The following PCK2 variants were observed in gnomAD, a reference collection of about 807,000 sequenced individuals.
PCK2 encodes phosphoenolpyruvate carboxykinase [GTP], mitochondrial.
Under a neutral mutation model 65.9 loss-of-function variants are expected in PCK2, and 56 were observed. The ratio of observed to expected loss-of-function variants is 0.85; its 90% CI spans 0.69 to 1.06. The LOEUF is 1.06. Among genes scored for constraint, PCK2 ranks in the 50% least tolerant of loss-of-function variants. The pLI, the probability that PCK2 is intolerant of heterozygous loss-of-function variation, is 0.00. For synonymous variants in PCK2, 305 were observed against 319.6 expected (o/e 0.95, Z 0.49); for missense variants, 843 against 863.1 (o/e 0.98, Z 0.29).
intron 7 of PCK2, 45 bp from the exon 8 acceptor site, chr14:24,102,708 T>A: frequency 6.4e-7 from 1 of 1,558,196 alleles, no homozygotes; most frequent in Non-Finnish European, 8.8e-7. Context: ...GTGTTGGGGG[T>A]CGACATGACC....
Position 24,103,953 on chromosome 14 carries a change from C to T in PCK2, c.1912C>T (p.His638Tyr), listed in dbSNP as rs2037279451. The change falls in exon 10 of 10, where the codon CAC becomes TAC. Residue 638 changes from histidine (H) to tyrosine (Y), a missense_variant. Coordinates refer to ENST00000216780, the MANE Select transcript of PCK2 (RefSeq NM_004563.4). ...AELEALERRV[H>Y]KM The stretch of plus-strand genomic sequence containing the variant: ...GCTTGAGGCCCTGGAGAGACGTGTG[C>T]ACAAAATGTGACCTGAGGCCCTAGT... 1 of 1,613,038 alleles carries T rather than the reference C, an allele frequency of 6.2e-7. No individual in the cohort carries two copies.
upstream of PCK2, chr14:24,094,209 C>G: frequency 3.5e-6 from 2 of 577,992 alleles, no homozygotes; most frequent in East Asian, 3.4e-5. The surrounding 1 kb of genome is among the most constrained non-coding windows in gnomAD (Gnocchi z 4.1). Context: ...GCCGAGGGAG[C>G]TGGCCTGCCA....
At position 24,099,710 on chromosome 14, in the gene PCK2, T is replaced by C; in HGVS notation, c.1005T>C (p.Phe335=). The change falls in exon 6 of 10, where the codon TTT becomes TTC. Residue 335 remains phenylalanine, a synonymous_variant. Transcript: ENST00000216780. ...GGGATGATATTGCTTGGATGAGGTT[T>C]GACAGTGAAGGTGAGGGACTCTCAG... ...CVGDDIAWMR[F]DSEGRLRAIN... 3 of 1,613,696 alleles carry C rather than the reference T, an allele frequency of 1.9e-6. No homozygotes were observed. Among genetic ancestry groups the C allele is most frequent in the East Asian group, 2.2e-5 (1 of 44,878 alleles).
chr14:24,098,673 G>A lies in PCK2; in HGVS notation c.659G>A (p.Gly220Glu), dbSNP rs763339162. 20 of 1,613,274 alleles carry A rather than the reference G, an allele frequency of 1.2e-5. No individual in the cohort carries two copies. The highest frequency in any genetic ancestry group is 1.7e-5 in the Non-Finnish European group (20 of 1,179,822). The change falls in exon 4 of 10, where the codon GGA (glycine) becomes GAA (glutamate). Residue 220 changes from glycine to glutamate, a missense_variant. Physicochemically the swap from Gly to Glu is moderately conservative, Grantham distance 98. Coordinates refer to ENST00000216780, the MANE Select transcript of PCK2 (RefSeq NM_004563.4). ...CLHSVGQPLTGQGEPVSQWPC... is the reference protein window; with the variant it reads ...CLHSVGQPLTEQGEPVSQWPC... The stretch of plus-strand genomic sequence containing the variant: ...CACTCCGTGGGCCAGCCCCTGACAG[G>A]ACAAGGTAAGCACCTGCTCTGCCCC...
chr14:24,094,686 C>T lies in PCK2; in HGVS notation c.29+252C>T, dbSNP rs2036779097. On this transcript the variant is annotated intron_variant, in intron 1 of 9. Transcript: ENST00000216780. This position sits in a 1 kb window ranked among gnomAD's most constrained non-coding sequence, Gnocchi z 4.1. ...TCGCCTCTGACCGCGCGATCTCTAT[C>T]TGCCACTCTCAGAACTTCCTCTCTC... 2.6e-6 allele frequency: 4 copies of T among 1,521,422 alleles called. No homozygotes were observed. The highest frequency in any genetic ancestry group is 2.0e-5 in the Admixed American group (1 of 50,342). 94.2% of individuals were successfully genotyped at this position (1,521,422 alleles called of 1,614,324 possible). A position where few individuals can be genotyped will look rare whatever the true frequency, so the allele number is the denominator to read the frequency against.
At position 24,094,992 on chromosome 14, in the gene PCK2, G is replaced by C; in HGVS notation, c.29+558G>C. The C allele has an allele frequency of 1.8e-6, 1 of 567,888 alleles. No homozygotes were observed. Among genetic ancestry groups the C allele is most frequent in the Non-Finnish European group, 2.9e-6 (1 of 342,170 alleles). The allele number at this position is 567,888 out of a possible 1,614,324, so 35.2% of individuals were successfully genotyped here. A position where few individuals can be genotyped will look rare whatever the true frequency, so the allele number is the denominator to read the frequency against. ...GAGGGACCTGGGCCCAGGGGAGGGA[G>C]GCAAGCAAGGTGGGAGGAGGGCGCC... On this transcript the variant is annotated intron_variant, in intron 1 of 9. Transcript: ENST00000216780. This position sits in a 1 kb window ranked among gnomAD's most constrained non-coding sequence, Gnocchi z 4.1.
Position 24,102,870 on chromosome 14 carries a change from T to C in PCK2, c.1352T>C (p.Phe451Ser). The C allele has an allele frequency of 6.2e-7, 1 of 1,613,926 alleles. No homozygotes were observed. Among genetic ancestry groups the C allele is most frequent in the Non-Finnish European group, 8.5e-7 (1 of 1,179,956 alleles). ...PEGVPIDAII[F>S]GGRRPKGVPL... The stretch of plus-strand genomic sequence containing the variant: ...GGTGTCCCCATTGACGCCATCATCT[T>C]TGGTGGCCGCAGACCCAAAGGTAAA... The change falls in exon 8 of 10, where the codon TTT becomes TCT. Residue 451 changes from phenylalanine to serine, a missense_variant. By Grantham distance (155) the Phe-to-Ser change is radical. Coordinates refer to ENST00000216780, the MANE Select transcript of PCK2 (RefSeq NM_004563.4).
In PCK2 at chr14:24,103,255, G is replaced by A. The variant is rs1236181702; in HGVS notation, c.1468G>A (p.Gly490Arg). The A allele has an allele frequency of 6.2e-7, 1 of 1,610,960 alleles. No homozygotes were observed. The highest frequency in any genetic ancestry group is 1.1e-5 in the South Asian group (1 of 90,972). Residue 490 changes from glycine to arginine, a missense_variant and splice_region_variant, in exon 9 of 10, where the codon GGG (glycine) becomes AGG (arginine). Physicochemically the swap from Gly to Arg is moderately radical, Grantham distance 125 (BLOSUM62 -2). Transcript: ENST00000216780. Reference sequence around the variant, plus strand: ...GTCCACTGCTGCAGCAGAACACAAAGGTGAGCACCCTCACCATTCCTCCCT... The same window carrying A: ...GTCCACTGCTGCAGCAGAACACAAAAGTGAGCACCCTCACCATTCCTCCCT... Reference protein sequence around the residue: ...SESTAAAEHKGKIIMHDPFAM... With the variant: ...SESTAAAEHKRKIIMHDPFAM...
In PCK2 at chr14:24,098,531, C is replaced by G; in HGVS notation, c.517C>G (p.Arg173Gly). The stretch of plus-strand genomic sequence containing the variant: ...GGGTCCTGTGGGCTCCCCGCTGTCC[C>G]GCATCGGGGTGCAGCTCACTGACTC... ...SMGPVGSPLSRIGVQLTDSAY... is the reference protein window; with the variant it reads ...SMGPVGSPLSGIGVQLTDSAY... Residue 173 changes from arginine (R) to glycine (G), a missense_variant, in exon 4 of 10, where the codon CGC (arginine) becomes GGC (glycine). Transcript: ENST00000216780. 3.1e-6 allele frequency: 5 copies of G among 1,614,168 alleles called. No individual in the cohort carries two copies. Among genetic ancestry groups the G allele is most frequent in the Non-Finnish European group, 4.2e-6 (5 of 1,180,010 alleles).
At chr14:24,095,787 AG>A (rs1208036159) in intron 1 of PCK2, among the ~76,000 whole-genome samples, 2 of 152,206 alleles carry the variant, frequency 1.3e-5, no homozygotes, top group Non-Finnish European at 2.9e-5. Flanking sequence ...GGGCCATGAG[AG>A]GACAGACAAC....
chr14:24,097,389 G>GAAA (rs529973280), intron 2 of PCK2, among the ~76,000 whole-genome samples: 1 of 118,700 alleles, frequency 8.4e-6, no homozygotes, highest in Non-Finnish European at 1.8e-5. Context: ...CGTCTCTACT[G>GAAA]AAAAAAAAAA....
rs145351624 is a variant in PCK2 at position 24,103,222 on chromosome 14, C to T, written c.1435C>T (p.Arg479Cys). The change falls in exon 9 of 10, where the codon CGC (arginine) becomes TGC (cysteine). Residue 479 changes from arginine (R) to cysteine (C), a missense_variant. By Grantham distance (180) the Arg-to-Cys change is radical (BLOSUM62 -3). Coordinates refer to ENST00000216780, the MANE Select transcript of PCK2 (RefSeq NM_004563.4). ...TGGGGTGTTTGTGGGCAGCGCCATGCGCTCTGAGTCCACTGCTGCAGCAGA... is the reference window on the plus strand; with the variant it reads ...TGGGGTGTTTGTGGGCAGCGCCATGTGCTCTGAGTCCACTGCTGCAGCAGA... The part of the protein sequence containing the change: ...RHGVFVGSAM[R>C]SESTAAAEHK... 8.2e-5 allele frequency: 132 copies of T among 1,613,792 alleles called. No individual in the cohort carries two copies. The Admixed American group carries it at 9.7e-4, about 12-fold the overall frequency.
Position 24,097,135 on chromosome 14 carries a change from C to T in PCK2, c.273C>T (p.Asn91=). 1 of 1,613,728 alleles carries T rather than the reference C, an allele frequency of 6.2e-7. No homozygotes were observed. Among genetic ancestry groups the T allele is most frequent in the South Asian group, 1.1e-5 (1 of 90,976 alleles). ...GLIRKLPKYN[N]CWLARTDPKD... ...TCCGAAAGCTCCCCAAGTACAATAA[C>T]TGGTAAGCCTTGGGCTCCACAACCT... is the stretch of plus-strand genomic sequence containing the variant. The change falls in exon 2 of 10, where the codon AAC becomes AAT. Residue 91 remains asparagine, a splice_region_variant and synonymous_variant. Coordinates refer to ENST00000216780, the MANE Select transcript of PCK2 (RefSeq NM_004563.4).
At position 24,098,975 on chromosome 14, in the gene PCK2, C is replaced by T; in HGVS notation, c.665-74C>T. ...GCTCCCAAGTGTCTCTCCTGCCAAT[C>T]CCTGATCCCTCTGGCCCCGACACCC... is the stretch of plus-strand genomic sequence containing the variant. On this transcript the variant is annotated intron_variant, in intron 4 of 9. Transcript: ENST00000216780. The T allele has an allele frequency of 2.5e-6, 3 of 1,189,268 alleles. No individual in the cohort carries two copies. The South Asian group carries it at 4.1e-5, about 16-fold the overall frequency. The allele number at this position is 1,189,268 out of a possible 1,614,324, so 73.7% of individuals were successfully genotyped here.
In PCK2 at chr14:24,100,026, C is replaced by A; in HGVS notation, c.1047C>A (p.Gly349=). 1 of 1,614,078 alleles carries A rather than the reference C, an allele frequency of 6.2e-7. No homozygotes were observed. The highest frequency in any genetic ancestry group is 2.2e-5 in the East Asian group (1 of 44,886). Residue 349 remains glycine (G), a synonymous_variant, in exon 7 of 10, where the codon GGC becomes GGA. Coordinates refer to ENST00000216780, the MANE Select transcript of PCK2 (RefSeq NM_004563.4). ...TCCGGGCCATCAACCCTGAGAACGGCTTCTTTGGGGTTGCCCCTGGTACCT... is the reference window on the plus strand; with the variant it reads ...TCCGGGCCATCAACCCTGAGAACGGATTCTTTGGGGTTGCCCCTGGTACCT... ...GRLRAINPEN[G]FFGVAPGTSA...
intron 1 of PCK2, chr14:24,095,014 C>G: frequency 2.1e-6 from 1 of 466,016 alleles, no homozygotes; most frequent in South Asian, 1.6e-5. Flanking sequence ...GGGAGGAGGG[C>G]GCCAAGTTGC....
chr14:24,099,083 G>A lies in PCK2; in HGVS notation c.699G>A (p.Glu233=). ...EPVSQWPCNP[E]KTLIGHVPDQ... is the part of the protein sequence containing the mutation. ...TGAGCCAGTGGCCGTGCAACCCAGA[G>A]AAAACCCTGATTGGCCACGTGCCCG... The change falls in exon 5 of 10, where the codon GAG becomes GAA. Residue 233 remains glutamate, a synonymous_variant. Coordinates refer to ENST00000216780, the MANE Select transcript of PCK2 (RefSeq NM_004563.4). The A allele has an allele frequency of 6.2e-7, 1 of 1,610,152 alleles. No homozygotes were observed. The highest frequency in any genetic ancestry group is 8.5e-7 in the Non-Finnish European group (1 of 1,177,402).
intron 6 of PCK2, 85 bp from the exon 7 acceptor site, chr14:24,099,908 CAG>C: frequency 1.2e-6 from 2 of 1,612,050 alleles, no homozygotes; most frequent in Non-Finnish European, 1.7e-6. Flanking sequence ...CATCTCAGGA[CAG>C]GGGTGGGTGG....
At position 24,096,962 on chromosome 14, in the gene PCK2, A is replaced by G; in HGVS notation, c.100A>G (p.Ser34Gly). 1 of 1,613,614 alleles carries G rather than the reference A, an allele frequency of 6.2e-7. No homozygotes were observed. Among genetic ancestry groups the G allele is most frequent in the Non-Finnish European group, 8.5e-7 (1 of 1,179,700 alleles). The change falls in exon 2 of 10, where the codon AGT becomes GGT. Residue 34 changes from serine to glycine, a missense_variant. Coordinates refer to ENST00000216780, the MANE Select transcript of PCK2 (RefSeq NM_004563.4). ...TAGCATCCAGACCCTGCGAGTGCTT[A>G]GTGGAGATCTGGGCCAGCTTCCCAC... ...CRSIQTLRVL[S>G]GDLGQLPTGI...
Sources: gnomAD v4.1 joint callset for allele counts (sites outside exome capture counted in the v4.1 genomes callset) on GRCh38, gnomAD v4.1.1 for gene constraint, Gnocchi (gnomAD v3.1) non-coding constraint, MANE v1.5 for transcripts, NCBI Gene and HGNC (gene_info 2026-07-23, HGNC 2026-07-21) for gene names.